Variants in PLCL2 observed in about 807,000 individuals in gnomAD.
PLCL2 encodes the protein phospholipase C like 2, also known as inactive phospholipase C-like protein 2.
Under a neutral mutation model 79.6 loss-of-function variants are expected in PLCL2, and 4 were observed. The ratio of observed to expected loss-of-function variants is 0.05; its 90% CI spans 0.02 to 0.11. The LOEUF is 0.11. Ranked by LOEUF, PLCL2 falls within the 10% of genes least tolerant of loss-of-function variation. PLCL2 has a pLI of 1.00. For synonymous variants in PLCL2, 484 were observed against 457.7 expected (o/e 1.06, Z -0.73); for missense variants, 895 against 1,291.0 (o/e 0.69, Z 4.70).
rs543219376 is a variant in PLCL2, at chr3:16,971,673, A to T, written c.328-38001A>T. 7.2e-5 allele frequency among the ~76,000 whole-genome samples: 11 copies of T among 152,246 alleles called. No individual in the cohort carries two copies. The South Asian group carries it at 1.9e-3, about 26-fold the overall frequency. ...CATTTTCACGATATTGATTCTTCCTACCCATGAGCATGGAATGTTCTTCCA... is the reference window on the plus strand; with the variant it reads ...CATTTTCACGATATTGATTCTTCCTTCCCATGAGCATGGAATGTTCTTCCA... On this transcript the variant is annotated intron_variant, in intron 1 of 5. Coordinates refer to ENST00000615277, the MANE Select transcript of PLCL2 (RefSeq NM_001144382.2).
intron 1 of PLCL2, among the ~76,000 whole-genome samples, chr3:16,984,644 C>G (rs985729549): frequency 6.6e-6 from 1 of 152,106 alleles, no homozygotes; most frequent in African/African-American, 2.4e-5. Flanking sequence ...ATTTAAGAAT[C>G]AGACCTGGCC....
chr3:17,023,394 A>C (rs2064477546), intron 3 of PLCL2, among the ~76,000 whole-genome samples: 1 of 152,116 alleles, frequency 6.6e-6, no homozygotes, highest in African/African-American at 2.4e-5. Context: ...TATCTCCCAG[A>C]ATTCCCCCGT....
At position 16,973,168 on chromosome 3, in the gene PLCL2, C is replaced by T. The variant is rs570056591; in HGVS notation, c.328-36506C>T. On this transcript the variant is annotated intron_variant, in intron 1 of 5. Coordinates refer to ENST00000615277, the MANE Select transcript of PLCL2 (RefSeq NM_001144382.2). ...ACTCCCTTAAGGACCTCTTGTAAGG[C>T]AGGTCAGGTGATAATAGATTTCCTT... 3.7e-4 allele frequency among the ~76,000 whole-genome samples: 56 copies of T among 152,188 alleles called. No homozygotes were observed. In the South Asian group the frequency reaches 7.5e-3, roughly 20 times the overall value.
At chr3:16,972,492 G>A (rs1217205882) in intron 1 of PLCL2, among the ~76,000 whole-genome samples, 1 of 152,122 alleles carries the variant, frequency 6.6e-6, no homozygotes, top group Non-Finnish European at 1.5e-5. Context: ...GGGGTGGAGA[G>A]TTCTGTAGAT....
intron 1 of PLCL2, among the ~76,000 whole-genome samples, chr3:16,986,603 G>C (rs1188265766): frequency 6.6e-6 from 1 of 151,896 alleles, no homozygotes; most frequent in Non-Finnish European, 1.5e-5. Context: ...GGGTTTCACC[G>C]TGTTGGCCAG....
chr3:16,960,510 G>A (rs1245114263), intron 1 of PLCL2, among the ~76,000 whole-genome samples: 1 of 152,156 alleles, frequency 6.6e-6, no homozygotes, highest in East Asian at 1.9e-4. Context: ...CCCTCCCTCT[G>A]TCTCCCACCT....
In PLCL2 at chr3:17,062,537, C is replaced by T. The variant is rs898549598; in HGVS notation, c.3095-5419C>T. ...CTTTAATAGCTGCCCCAAAGTGTTA[C>T]GTTTCACCTTTAAAGAAAAGATGGA... On this transcript the variant is annotated intron_variant, in intron 4 of 5. Transcript: ENST00000615277. 2.6e-5 allele frequency among the ~76,000 whole-genome samples: 4 copies of T among 152,144 alleles called. No homozygotes were observed. In the East Asian group the frequency reaches 5.8e-4, roughly 22 times the overall value.
At chr3:16,955,890 CTT>C in intron 1 of PLCL2, among the ~76,000 whole-genome samples, 1 of 152,328 alleles carries the variant, frequency 6.6e-6, no homozygotes, top group South Asian at 2.1e-4. Context: ...TGTCCTGAGA[CTT>C]TGCTGAAGTT....
chr3:17,024,827 C>T (rs1420768370), intron 3 of PLCL2, among the ~76,000 whole-genome samples: 1 of 152,198 alleles, frequency 6.6e-6, no homozygotes, highest in African/African-American at 2.4e-5. Context: ...ACCCATGTTG[C>T]TCCTTGATCC....
intron 1 of PLCL2, among the ~76,000 whole-genome samples, chr3:16,912,021 TG>T (rs1404907169): frequency 6.6e-6 from 1 of 152,198 alleles, no homozygotes; most frequent in African/African-American, 2.4e-5. Flanking sequence ...ATCCCTAAGA[TG>T]TCTCATTAGG....
chr3:17,079,175 C>T (rs2065137916), intron 5 of PLCL2, among the ~76,000 whole-genome samples: 1 of 152,154 alleles, frequency 6.6e-6, no homozygotes, highest in South Asian at 2.1e-4. Flanking sequence ...GGCCCAGCCC[C>T]ACTTGCCTCT....
intron 5 of PLCL2, among the ~76,000 whole-genome samples, chr3:17,078,166 T>G (rs1041711444): frequency 2.0e-5 from 3 of 152,202 alleles, no homozygotes; most frequent in Admixed American, 6.5e-5. Flanking sequence ...TTTAATCCAC[T>G]TTGTCCAGGA....
chr3:16,993,352 G>A (rs1165616379), intron 1 of PLCL2, among the ~76,000 whole-genome samples: 2 of 152,172 alleles, frequency 1.3e-5, no homozygotes, highest in African/African-American at 4.8e-5. Flanking sequence ...TGGTTTGCAG[G>A]TGCTGGGGAC....
intron 1 of PLCL2, among the ~76,000 whole-genome samples, chr3:16,907,281 G>T (rs1696773484): frequency 6.6e-6 from 1 of 152,124 alleles, no homozygotes. Flanking sequence ...TACAAAAGGG[G>T]CTAGATTATG....
intron 1 of PLCL2, among the ~76,000 whole-genome samples, chr3:16,991,689 C>G (rs1200513653): frequency 6.6e-6 from 1 of 152,048 alleles, no homozygotes; most frequent in African/African-American, 2.4e-5. Context: ...CTGGTTGTAT[C>G]TTATTTTTTA....
At chr3:17,060,224 G>T (rs895263158) in intron 4 of PLCL2, among the ~76,000 whole-genome samples, 1 of 152,202 alleles carries the variant, frequency 6.6e-6, no homozygotes, top group Non-Finnish European at 1.5e-5. Flanking sequence ...GATGGAAAGT[G>T]CTGGCAGAAG....
At chr3:17,046,430 G>A (rs1450096213) in intron 4 of PLCL2, among the ~76,000 whole-genome samples, 1 of 152,020 alleles carries the variant, frequency 6.6e-6, no homozygotes, top group Non-Finnish European at 1.5e-5. Context: ...TCACTGAATT[G>A]GTATGCTTAA....
intron 1 of PLCL2, among the ~76,000 whole-genome samples, chr3:16,922,838 C>T (rs1575530447): frequency 6.6e-6 from 1 of 151,980 alleles, no homozygotes; most frequent in South Asian, 2.1e-4. Context: ...CCTTCCCTCA[C>T]CCACCCTCCA....
At chr3:17,060,551 C>T (rs1248227431) in intron 4 of PLCL2, among the ~76,000 whole-genome samples, 2 of 152,218 alleles carry the variant, frequency 1.3e-5, no homozygotes, top group Non-Finnish European at 2.9e-5. Flanking sequence ...CACACCCAAA[C>T]TTCAGACCTC....
Sources: gnomAD v4.1 joint callset for allele counts (sites outside exome capture counted in the v4.1 genomes callset) on GRCh38, gnomAD v4.1.1 for gene constraint, MANE v1.5 for transcripts, NCBI Gene and HGNC (gene_info 2026-07-23, HGNC 2026-07-21) for gene names.